The following SOX6 variants were observed in gnomAD, a reference collection of about 807,000 sequenced individuals.
SOX6 encodes transcription factor SOX-6.
Under a neutral mutation model 97.8 loss-of-function variants are expected in SOX6, and 11 were observed. The observed-to-expected ratio is 0.11, with a 90% confidence interval of 0.07 to 0.19. SOX6 has a LOEUF of 0.19. SOX6 is among the 10% of genes least tolerant of loss of function. The pLI is 1.00. For synonymous variants in SOX6, 360 were observed against 371.4 expected (o/e 0.97, Z 0.35); for missense variants, 810 against 1,039.5 (o/e 0.78, Z 3.04).
chr11:16,091,762 C>T (rs537999811), intron 9 of SOX6, among the ~76,000 whole-genome samples: 76 of 152,052 alleles, frequency 5.0e-4, no homozygotes, highest in African/African-American at 1.8e-3. Flanking sequence ...CAAATCTCCC[C>T]TAAACTACAC....
chr11:16,231,337 T>C (rs945946012), intron 4 of SOX6, among the ~76,000 whole-genome samples: 1 of 151,694 alleles, frequency 6.6e-6, no homozygotes, highest in African/African-American at 2.4e-5. Context: ...AACATACATA[T>C]GCAGTTCACA....
chr11:15,990,023 G>A (rs1160126638), intron 13 of SOX6, among the ~76,000 whole-genome samples: 1 of 152,076 alleles, frequency 6.6e-6, no homozygotes, highest in African/African-American at 2.4e-5. Flanking sequence ...GAGTGGGAGA[G>A]GGAGTAAAGT....
chr11:16,114,211 CTTCA>C (rs1191712975), intron 6 of SOX6, among the ~76,000 whole-genome samples: 1 of 152,114 alleles, frequency 6.6e-6, no homozygotes, highest in Admixed American at 6.6e-5. Context: ...ACAGCCATTC[CTTCA>C]TTCATTTATC....
intron 4 of SOX6, among the ~76,000 whole-genome samples, chr11:16,226,117 A>G (rs1414950151): frequency 1.3e-5 from 2 of 152,166 alleles, no homozygotes; most frequent in African/African-American, 4.8e-5. Context: ...AATCATTTGT[A>G]GAATTTTCCA....
rs181724431 is a variant in SOX6, at chr11:16,079,534, T to C, written c.1101+16462A>G. Among the ~76,000 whole-genome samples, 355 of 152,236 alleles carry C rather than the reference T, an allele frequency of 2.3e-3. 3 individuals carry two copies. The highest frequency in any genetic ancestry group is 2.7e-3 in the Non-Finnish European group (185 of 67,986). On this transcript the variant is annotated intron_variant, in intron 9 of 15. Transcript: ENST00000683767. ...TCATGCTAATGAACAAAAATAATAA[T>C]ACATAGATTTATTAAATATAAATTT...
chr11:16,132,505 A>AAAGAAAGCAAGC (rs1451899878), intron 6 of SOX6, among the ~76,000 whole-genome samples: 1,312 of 86,024 alleles, frequency 0.015, 122 homozygotes, highest in Admixed American at 0.028. Context: ...AGAAAGAAAG[A>AAAGAAAGCAAGC]AAGCTTATCT....
intron 2 of SOX6, among the ~76,000 whole-genome samples, chr11:16,719,398 T>C (rs1056908892): frequency 2.0e-5 from 3 of 152,144 alleles, no homozygotes; most frequent in East Asian, 1.9e-4. Context: ...TACACACTCA[T>C]TTAGAATCAG....
chr11:16,679,287 C>G (rs1847908095), intron 3 of SOX6, among the ~76,000 whole-genome samples: 1 of 152,220 alleles, frequency 6.6e-6, no homozygotes, highest in Admixed American at 6.5e-5. Context: ...GCAATATTTG[C>G]TGTTATGGAG....
At chr11:16,566,334 C>T (rs1041364819) in intron 4 of SOX6, among the ~76,000 whole-genome samples, 2 of 152,116 alleles carry the variant, frequency 1.3e-5, no homozygotes, top group African/African-American at 2.4e-5. Context: ...AGTGAAGATA[C>T]AAAAACAATG....
chr11:16,253,165 T>C (rs1853568587), intron 3 of SOX6, among the ~76,000 whole-genome samples: 1 of 151,984 alleles, frequency 6.6e-6, no homozygotes, highest in Non-Finnish European at 1.5e-5. Flanking sequence ...CTGACTAACA[T>C]GGAGAAAACC....
intron 11 of SOX6, among the ~76,000 whole-genome samples, chr11:16,047,701 CGTGTGT>C (rs68008241): frequency 0.034 from 4,963 of 145,964 alleles, 108 homozygotes; most frequent in East Asian, 0.084. Flanking sequence ...CATTTCATAG[CGTGTGT>C]GTGTGTGTGT....
chr11:16,036,078 CTT>C (rs767508048), intron 12 of SOX6, among the ~76,000 whole-genome samples: 1,461 of 133,722 alleles, frequency 0.011, 22 homozygotes, highest in African/African-American at 0.038. Flanking sequence ...TGATTCAACT[CTT>C]TTTTTTTTTT....
At chr11:16,358,410 C>T (rs1318553872), upstream of SOX6, among the ~76,000 whole-genome samples, 1 of 152,030 alleles carries the variant, frequency 6.6e-6, no homozygotes, top group East Asian at 1.9e-4. Flanking sequence ...AATAGTTCTA[C>T]CAACAGGAAA....
intron 1 of SOX6, among the ~76,000 whole-genome samples, chr11:16,383,751 A>C (rs1365910229): frequency 2.0e-5 from 3 of 152,002 alleles, no homozygotes; most frequent in Admixed American, 6.6e-5. Context: ...GAAGCCTATA[A>C]AATGTTAGTT....
rs1033804287 is a variant in SOX6 at position 16,535,671 on chromosome 11, T to C, written n.610-59283A>G. Reference sequence around the variant, plus strand: ...TAGGTAAAAGGGTGAGACCCTGTCTTAACAAAAAAAAACAAAAACAAACCA... The same window carrying C: ...TAGGTAAAAGGGTGAGACCCTGTCTCAACAAAAAAAAACAAAAACAAACCA... On this transcript the variant is annotated intron_variant and non_coding_transcript_variant, in intron 4 of 5. Transcript: ENST00000524520. Among the ~76,000 whole-genome samples the C allele has an allele frequency of 3.3e-5, 5 of 151,656 alleles. No individual in the cohort carries two copies. In the East Asian group the frequency reaches 9.6e-4, roughly 29 times the overall value.
intron 1 of SOX6, among the ~76,000 whole-genome samples, chr11:16,437,628 A>T (rs1329088343): frequency 6.6e-6 from 1 of 152,242 alleles, no homozygotes; most frequent in East Asian, 1.9e-4. Flanking sequence ...CAGGACCCAT[A>T]GCATTCTACC....
intron 1 of SOX6, among the ~76,000 whole-genome samples, chr11:16,475,281 G>T (rs918938755): frequency 1.3e-5 from 2 of 152,084 alleles, no homozygotes; most frequent in African/African-American, 4.8e-5. Context: ...CTTTCCCTTT[G>T]CATTCACAAC....
chr11:16,383,333 A>G (rs1857885119), intron 1 of SOX6, among the ~76,000 whole-genome samples: 1 of 151,980 alleles, frequency 6.6e-6, no homozygotes, highest in African/African-American at 2.4e-5. Flanking sequence ...TCTCAAGGAA[A>G]TACATTAAAG....
chr11:16,115,101 C>T (rs1849315255), intron 6 of SOX6, among the ~76,000 whole-genome samples: 1 of 152,044 alleles, frequency 6.6e-6, no homozygotes, highest in South Asian at 2.1e-4. Context: ...TAAATATTAG[C>T]CCAGAGGCTA....
Sources: gnomAD v4.1 joint callset for allele counts (sites outside exome capture counted in the v4.1 genomes callset) on GRCh38, gnomAD v4.1.1 for gene constraint, MANE v1.5 for transcripts, NCBI Gene and HGNC (gene_info 2026-07-23, HGNC 2026-07-21) for gene names.